Variants in BAZ1A observed in about 807,000 individuals in gnomAD.
BAZ1A encodes bromodomain adjacent to zinc finger domain 1A.
A neutral mutation model predicts 185.2 loss-of-function variants in BAZ1A; 50 were observed. The ratio of observed to expected loss-of-function variants is 0.27; its 90% confidence interval spans 0.22 to 0.34. The LOEUF is 0.34. BAZ1A is among the 10% of genes least tolerant of loss of function. The probability of loss-of-function intolerance (pLI) is 1.00; values close to 1 mark genes in which losing one functional copy is unlikely to be tolerated. For missense variants in BAZ1A, 1,356 were observed against 1,839.9 expected, an observed-to-expected ratio of 0.74 and a Z score of 4.81; for synonymous variants, 571 against 615.6, an observed-to-expected ratio of 0.93 and a Z score of 1.07.
chr14:34,829,224 C>T (rs1566584422), intron 3 of BAZ1A, among the ~76,000 whole-genome samples: 1 of 144,032 alleles, frequency 6.9e-6, no homozygotes, highest in Non-Finnish European at 1.5e-5. Flanking sequence ...CATGATTGTG[C>T]CACTGCACTC....
At chr14:34,779,284 T>C (rs1001329771) in intron 17 of BAZ1A, among the ~76,000 whole-genome samples, 1 of 152,230 alleles carries the variant, frequency 6.6e-6, no homozygotes, top group African/African-American at 2.4e-5. Context: ...TTTTCTAATA[T>C]GTATTAAAGC....
At position 34,758,808 on chromosome 14, in the gene BAZ1A, G is replaced by A; in HGVS notation, c.4282C>T (p.Arg1428Ter). The change falls in exon 25 of 27, where the codon CGA becomes TGA. Residue 1428 changes from arginine (R) to a stop codon, truncating the protein, a stop_gained. Transcript: ENST00000360310. LOFTEE classifies it high-confidence loss of function. ...GACAATTCATGAACTCCTCCCTGTC[G>A]GCCAGAACTCCTTCGACCCAGTGTC... Reference protein sequence around the residue: ...PVTLGRRSSGRQGGVHELSAF... With the variant: ...PVTLGRRSSG The A allele has an allele frequency of 6.2e-7, 1 of 1,614,020 alleles. No individual in the cohort carries two copies. The highest frequency in any genetic ancestry group is 8.5e-7 in the Non-Finnish European group (1 of 1,179,992).
intron 21 of BAZ1A, among the ~76,000 whole-genome samples, chr14:34,769,944 T>C (rs150736859): frequency 8.3e-4 from 127 of 152,302 alleles, no homozygotes; most frequent in Non-Finnish European, 1.3e-3. Flanking sequence ...TGATTATACA[T>C]ATTTTATTTC....
chr14:34,832,636 A>AT (rs2042266686), intron 3 of BAZ1A, among the ~76,000 whole-genome samples: 1 of 152,100 alleles, frequency 6.6e-6, no homozygotes, highest in Non-Finnish European at 1.5e-5. Context: ...ATGGTTATAT[A>AT]TTTTTTCTTT....
intron 25 of BAZ1A, among the ~76,000 whole-genome samples, chr14:34,758,377 T>C (rs185609117): frequency 2.6e-5 from 4 of 151,394 alleles, no homozygotes; most frequent in Non-Finnish European, 4.4e-5. Context: ...GTCAGGAGAT[T>C]GAGACCAGCC....
At chr14:34,870,109 C>G (rs1363891687) in intron 2 of BAZ1A, among the ~76,000 whole-genome samples, 5 of 152,246 alleles carry the variant, frequency 3.3e-5, no homozygotes, top group South Asian at 2.1e-4. Flanking sequence ...TTTGAGCCAC[C>G]AAGTTTTGGG....
At position 34,801,179 on chromosome 14, in the gene BAZ1A, A is replaced by G; in HGVS notation, c.876T>C (p.Ala292=). Reference sequence around the variant, plus strand: ...TATAACTTGCAAGAGTCTGTTTATTAGCAACATTGTCCTCCTAAAAAACAA... The same window carrying G: ...TATAACTTGCAAGAGTCTGTTTATTGGCAACATTGTCCTCCTAAAAAACAA... ...RIHISQEDNV[A]NKQTLASYRS... is the part of the protein sequence containing the mutation. The change falls in exon 8 of 27, where the codon GCT becomes GCC. Residue 292 remains alanine (A), a synonymous_variant. Coordinates refer to ENST00000360310, the MANE Select transcript of BAZ1A (RefSeq NM_013448.3). 2 of 1,605,574 alleles carry G rather than the reference A, an allele frequency of 1.2e-6. No homozygotes were observed. Among genetic ancestry groups the G allele is most frequent in the Non-Finnish European group, 1.7e-6 (2 of 1,177,254 alleles).
chr14:34,769,895 T>G (rs893021647), intron 21 of BAZ1A, among the ~76,000 whole-genome samples: 5 of 152,200 alleles, frequency 3.3e-5, no homozygotes, highest in South Asian at 2.1e-4. Flanking sequence ...GAAATAAAAG[T>G]GACATAGCAA....
intron 3 of BAZ1A, among the ~76,000 whole-genome samples, chr14:34,861,281 G>T (rs560806378): frequency 2.6e-5 from 4 of 152,136 alleles, no homozygotes; most frequent in African/African-American, 9.7e-5. Context: ...CAATCACAAA[G>T]CTTCAGACTT....
chr14:34,810,320 T>C (rs1202788818), intron 5 of BAZ1A, among the ~76,000 whole-genome samples: 1 of 152,180 alleles, frequency 6.6e-6, no homozygotes, highest in African/African-American at 2.4e-5. Flanking sequence ...CCAGTTCTTT[T>C]ACGTATTAAC....
intron 3 of BAZ1A, among the ~76,000 whole-genome samples, chr14:34,841,783 T>C (rs1446597630): frequency 6.6e-6 from 1 of 152,150 alleles, no homozygotes; most frequent in Non-Finnish European, 1.5e-5. Context: ...CTATCCCTAC[T>C]ACAAATATAA....
At chr14:34,775,194 T>C (rs923582331) in intron 18 of BAZ1A, among the ~76,000 whole-genome samples, 1 of 152,044 alleles carries the variant, frequency 6.6e-6, no homozygotes, top group Admixed American at 6.6e-5. Context: ...AGCGAAATTC[T>C]GTCTCAAACA....
rs1566603150 is a variant in BAZ1A at position 34,863,152 on chromosome 14, C to CA, written c.114-831_114-830insT. Among the ~76,000 whole-genome samples, 7 of 44,702 alleles carry CA rather than the reference C, an allele frequency of 1.6e-4. 1 individual carries two copies. The highest frequency in any genetic ancestry group is 5.9e-4 in the East Asian group (1 of 1,682). The allele number at this position is 44,702 out of a possible 152,430, so 29.3% of individuals were successfully genotyped here. A position where few individuals can be genotyped will look rare whatever the true frequency, so the allele number is the denominator to read the frequency against. On this transcript the variant is annotated intron_variant, in intron 2 of 26. Coordinates refer to ENST00000360310, the MANE Select transcript of BAZ1A (RefSeq NM_013448.3). ...TACAGGTGCCCGCCACCACGCTCGG[C>CA]TTTTTTTTTTTTTTTTTTTTTTTTT...
chr14:34,792,677 A>G, intron 12 of BAZ1A, 98 bp downstream of exon 12: 3 of 1,333,858 alleles, frequency 2.2e-6, no homozygotes, highest in Non-Finnish European at 2.1e-6. Flanking sequence ...ACTATATTTT[A>G]TAAGCATAAA....
At chr14:34,788,104 C>G (rs952751082) in intron 12 of BAZ1A, among the ~76,000 whole-genome samples, 4 of 150,600 alleles carry the variant, frequency 2.7e-5, no homozygotes, top group Non-Finnish European at 5.9e-5. Flanking sequence ...CTGCAACCTC[C>G]GCCTCCCAGG....
At chr14:34,857,923 C>G (rs1438748741) in intron 3 of BAZ1A, among the ~76,000 whole-genome samples, 1 of 152,160 alleles carries the variant, frequency 6.6e-6, no homozygotes, top group Non-Finnish European at 1.5e-5. Context: ...CACTTCCTCC[C>G]CTCACTCTCT....
intron 17 of BAZ1A, among the ~76,000 whole-genome samples, chr14:34,777,369 C>T (rs1035295382): frequency 1.3e-5 from 2 of 152,202 alleles, no homozygotes; most frequent in African/African-American, 2.4e-5. Context: ...ATCCGGCTGG[C>T]GCGGTGGCCC....
At chr14:34,756,143 T>C (rs1469842954) in intron 25 of BAZ1A, among the ~76,000 whole-genome samples, 10 of 142,582 alleles carry the variant, frequency 7.0e-5, no homozygotes, top group Non-Finnish European at 1.5e-4. Context: ...AGACAGAGTC[T>C]CACTCTGTCA....
chr14:34,867,603 C>T (rs1172489910), intron 2 of BAZ1A, among the ~76,000 whole-genome samples: 1 of 152,242 alleles, frequency 6.6e-6, no homozygotes, highest in Non-Finnish European at 1.5e-5. Context: ...CTATCTCCTA[C>T]AAAATGTTTG....
Sources: allele counts gnomAD v4.1 joint callset (sites outside exome capture counted in the v4.1 genomes callset), GRCh38; gene constraint gnomAD v4.1.1; transcripts MANE v1.5; gene names NCBI Gene and HGNC (gene_info 2026-07-23, HGNC 2026-07-21).